Variants in MEI1 observed in about 807,000 individuals in gnomAD.
MEI1 encodes the protein meiosis inhibitor protein 1.
In MEI1, 103 loss-of-function variants were observed where a neutral mutation model predicts 146.2. That is an observed-to-expected ratio of 0.70 (90% confidence interval 0.60 to 0.83). The LOEUF is 0.83. Among genes scored for constraint, MEI1 ranks in the 40% least tolerant of loss-of-function variants. MEI1 has a pLI of 0.00. For missense variants in MEI1, 1,529 were observed against 1,533.0 expected, an observed-to-expected ratio of 1.00 and a Z score of 0.04; for synonymous variants, 652 against 628.2, an observed-to-expected ratio of 1.04 and a Z score of -0.57.
intron 11 of MEI1, among the ~76,000 whole-genome samples, chr22:41,736,733 G>T (rs1365336524): frequency 6.6e-6 from 1 of 151,928 alleles, no homozygotes; most frequent in Non-Finnish European, 1.5e-5. Flanking sequence ...GGGATGTAGG[G>T]GACCACCTGA....
intron 20 of MEI1, among the ~76,000 whole-genome samples, chr22:41,772,358 A>G (rs918394801): frequency 9.2e-5 from 14 of 152,142 alleles, no homozygotes; most frequent in Non-Finnish European, 1.8e-4. Context: ...AGTAACTAGA[A>G]TTGGCTGGGC....
At position 41,784,421 on chromosome 22, in the gene MEI1, G is replaced by C. The variant is rs533261040; in HGVS notation, c.3169+1G>C. ...AAGAAAAAGGCTGCACTACTCTCAGGTATGGGTCCACAAGTCTCCAGCAGA... is the reference window on the plus strand; with the variant it reads ...AAGAAAAAGGCTGCACTACTCTCAGCTATGGGTCCACAAGTCTCCAGCAGA... On this transcript the variant is annotated splice_donor_variant, in intron 25 of 30. Transcript: ENST00000401548. LOFTEE classifies it high-confidence loss of function. 1.9e-6 allele frequency: 3 copies of C among 1,613,866 alleles called. No homozygotes were observed. Among genetic ancestry groups the C allele is most frequent in the Non-Finnish European group, 2.5e-6 (3 of 1,179,812 alleles).
At position 41,714,059 on chromosome 22, in the gene MEI1, A is replaced by T. The variant is rs373022858; in HGVS notation, c.407A>T (p.Asp136Val). 3 of 1,600,010 alleles carry T rather than the reference A, an allele frequency of 1.9e-6. No individual in the cohort carries two copies. The highest frequency in any genetic ancestry group is 1.1e-5 in the South Asian group (1 of 88,230). The change falls in exon 4 of 31, where the codon GAT becomes GTT. Residue 136 changes from aspartate (D) to valine (V), a missense_variant. This residue lies in a region of MEI1 where 1,212 missense variants were observed against 1,178.9 expected (regional missense o/e 1.03). Coordinates refer to ENST00000401548, the MANE Select transcript of MEI1 (RefSeq NM_152513.4). ...GAGCAGACTATCCGTTGCCTGCTGGATGAGTGCCACAAAGAGGTCAGAAAA... is the reference window on the plus strand; with the variant it reads ...GAGCAGACTATCCGTTGCCTGCTGGTTGAGTGCCACAAAGAGGTCAGAAAA... ...KLEQTIRCLL[D>V]ECHKELCNMP... is the part of the protein sequence containing the mutation.
chr22:41,716,219 T>A (rs1006840928), intron 5 of MEI1, 73 bp downstream of exon 5: 18 of 1,042,926 alleles, frequency 1.7e-5, no homozygotes, highest in Non-Finnish European at 2.0e-5. Context: ...GGGTGTCCCA[T>A]TCACTCTGTA....
intron 21 of MEI1, among the ~76,000 whole-genome samples, chr22:41,777,157 A>AT (rs1350600793): frequency 2.5e-3 from 210 of 84,362 alleles, no homozygotes; most frequent in African/African-American, 8.6e-3. Context: ...TTTTAAAAAT[A>AT]ATTTTTTTTT....
At chr22:41,776,346 C>T in intron 21 of MEI1, 79 bp downstream of exon 21, 13 of 1,468,894 alleles carry the variant, frequency 8.9e-6, no homozygotes, top group Non-Finnish European at 1.2e-5. Flanking sequence ...GTTAGGTCTG[C>T]TCCAGGAGAG....
intron 2 of MEI1, 57 bp from the exon 3 acceptor site, chr22:41,705,447 G>C: frequency 6.8e-7 from 1 of 1,476,884 alleles, no homozygotes; most frequent in South Asian, 1.1e-5. Flanking sequence ...CTGGGGTACA[G>C]ATGTGTGCCA....
intron 10 of MEI1, 50 bp from the exon 11 acceptor site, chr22:41,732,419 G>A: frequency 6.2e-7 from 1 of 1,613,538 alleles, no homozygotes; most frequent in Non-Finnish European, 8.5e-7. Flanking sequence ...ACTCCTGGTG[G>A]GGTCAGTGAG....
chr22:41,795,862 A>G lies in MEI1; in HGVS notation c.3779+15A>G, dbSNP rs372489332. 5.0e-6 allele frequency: 8 copies of G among 1,611,260 alleles called. No homozygotes were observed. Among genetic ancestry groups the G allele is most frequent in the Non-Finnish European group, 6.8e-6 (8 of 1,178,570 alleles). On this transcript the variant is annotated intron_variant, in intron 30 of 30. Transcript: ENST00000401548. This position sits in a 1 kb window ranked among gnomAD's most constrained non-coding sequence, Gnocchi z 4.2. ...CAGGACATGCTGTATCCTTTCTTGC[A>G]TCTATGATGAAGGAGATGCCAAATC...
intron 14 of MEI1, among the ~76,000 whole-genome samples, chr22:41,747,781 A>G (rs1278806617): frequency 7.1e-6 from 1 of 140,782 alleles, no homozygotes; most frequent in Non-Finnish European, 1.5e-5. Context: ...TATTATTATT[A>G]TTACTATCGT....
At chr22:41,773,341 C>T (rs2075284048) in intron 20 of MEI1, among the ~76,000 whole-genome samples, 1 of 152,080 alleles carries the variant, frequency 6.6e-6, no homozygotes, top group Non-Finnish European at 1.5e-5. Context: ...ATGGAGAAAA[C>T]ATGAGGGTAG....
chr22:41,792,525 A>G (rs2076215463), intron 26 of MEI1, among the ~76,000 whole-genome samples: 1 of 152,202 alleles, frequency 6.6e-6, no homozygotes, highest in South Asian at 2.1e-4. Context: ...GTTAGTTGAA[A>G]TAAGAGTAGA....
intron 3 of MEI1, among the ~76,000 whole-genome samples, chr22:41,706,386 A>T (rs948123708): frequency 2.6e-5 from 4 of 152,226 alleles, no homozygotes; most frequent in Non-Finnish European, 4.4e-5. Flanking sequence ...ACATAGATAG[A>T]TAAGACATGG....
chr22:41,713,983 T>A lies in MEI1; in HGVS notation c.350-19T>A, dbSNP rs2069857460. 3.8e-6 allele frequency: 6 copies of A among 1,569,368 alleles called. No individual in the cohort carries two copies. The highest frequency in any genetic ancestry group is 5.2e-6 in the Non-Finnish European group (6 of 1,156,640). On this transcript the variant is annotated intron_variant, in intron 3 of 30. Coordinates refer to ENST00000401548, the MANE Select transcript of MEI1 (RefSeq NM_152513.4). ...GTTGGGGGTGCCTCCTGGTTAGTAATACTGTTGTGTCTGTTCAGTCCTTAT... is the reference window on the plus strand; with the variant it reads ...GTTGGGGGTGCCTCCTGGTTAGTAAAACTGTTGTGTCTGTTCAGTCCTTAT...
At chr22:41,760,772 C>T (rs971506004) in intron 18 of MEI1, among the ~76,000 whole-genome samples, 9 of 152,226 alleles carry the variant, frequency 5.9e-5, no homozygotes, top group African/African-American at 1.9e-4. Flanking sequence ...CTGCATGCAC[C>T]GGCGGTCAGA....
chr22:41,745,011 T>C lies in MEI1; in HGVS notation c.1485T>C (p.Leu495=). The change falls in exon 13 of 31, where the codon CTT becomes CTC. Residue 495 remains leucine, a synonymous_variant. Transcript: ENST00000401548. ...ASSRDSEKAI[L]QRGKFLLSTL... ...GTAGAGATTCAGAGAAGGCCATTCT[T>C]CAAAGGGGAAAGTTCCTCCTCAGCA... 3 of 1,566,348 alleles carry C rather than the reference T, an allele frequency of 1.9e-6. No homozygotes were observed. Among genetic ancestry groups the C allele is most frequent in the Non-Finnish European group, 2.6e-6 (3 of 1,154,826 alleles).
intron 15 of MEI1, 144 bp downstream of exon 15, chr22:41,748,362 T>A: frequency 3.1e-6 from 2 of 654,290 alleles, no homozygotes; most frequent in Non-Finnish European, 5.5e-6. Context: ...CAGTGATGAG[T>A]GAAAGGAAGT....
chr22:41,739,667 G>A (rs566492001), intron 11 of MEI1, among the ~76,000 whole-genome samples: 3 of 152,082 alleles, frequency 2.0e-5, no homozygotes, highest in South Asian at 4.1e-4. Flanking sequence ...AGAGTGGGAG[G>A]GATGAGTAAA....
At chr22:41,793,678 A>G (rs1050284043) in intron 26 of MEI1, 151 bp from the exon 27 acceptor site, 8 of 666,354 alleles carry the variant, frequency 1.2e-5, no homozygotes, top group East Asian at 8.1e-5. Flanking sequence ...GATGAAGCCA[A>G]TAAACATTTC....
Sources: allele counts gnomAD v4.1 joint callset (sites outside exome capture counted in the v4.1 genomes callset), GRCh38; gene constraint gnomAD v4.1.1; regional missense constraint gnomAD v4.1.1; non-coding constraint Gnocchi (gnomAD v3.1); transcripts MANE v1.5; gene names NCBI Gene and HGNC (gene_info 2026-07-23, HGNC 2026-07-21).